Variants in TEX30 observed in about 807,000 individuals in gnomAD.
TEX30 encodes the protein testis-expressed protein 30.
Under a neutral mutation model 23.8 loss-of-function variants are expected in TEX30, and 14 were observed. That is an observed-to-expected ratio of 0.59 (90% CI 0.39 to 0.92). The LOEUF is 0.92. TEX30 is among the 40% of genes least tolerant of loss of function. The pLI is 0.00. For synonymous variants in TEX30, 78 were observed against 90.2 expected (o/e 0.87, Z 0.76); for missense variants, 246 against 270.6 (o/e 0.91, Z 0.64).
intron 3 of TEX30, 101 bp from the exon 4 acceptor site, chr13:102,768,412 A>G (rs961624928): frequency 4.9e-6 from 4 of 819,056 alleles, no homozygotes; most frequent in Non-Finnish European, 7.4e-6. Flanking sequence ...ATGAAAATCT[A>G]TGCAAAGATA....
rs988020173 is a variant in TEX30 at position 102,773,746 on chromosome 13, G to T, written c.-125C>A. On this transcript the variant is annotated 5_prime_UTR_variant, in exon 1 of 6. Coordinates refer to ENST00000376032, the MANE Select transcript of TEX30 (RefSeq NM_138779.5). ...CACTCCCTTCAGGGAGCTGACTAGC[G>T]CGCTCGAAGCGACCGCCTCGCCTGC... The T allele has an allele frequency of 6.6e-6, 1 of 152,108 alleles. No homozygotes were observed. Among genetic ancestry groups the T allele is most frequent in the Non-Finnish European group, 1.5e-5 (1 of 67,994 alleles). The allele number at this position is 152,108 out of a possible 1,614,324, so 9.4% of individuals were successfully genotyped here.
At chr13:102,766,652 C>A in intron 5 of TEX30, 72 bp from the exon 6 acceptor site, 1 of 1,383,444 alleles carries the variant, frequency 7.2e-7, no homozygotes, top group Non-Finnish European at 9.8e-7. Flanking sequence ...CTCTCCCCTG[C>A]CTATACTGGC....
intron 4 of TEX30, 39 bp downstream of exon 4, chr13:102,768,221 A>T (rs1877049786): frequency 6.7e-7 from 1 of 1,500,648 alleles, no homozygotes; most frequent in African/African-American, 1.4e-5. Flanking sequence ...CCTATATTAA[A>T]ACAGGTAATT....
intron 1 of TEX30, among the ~76,000 whole-genome samples, chr13:102,771,174 T>C (rs1362874380): frequency 6.6e-6 from 1 of 152,190 alleles, no homozygotes; most frequent in Non-Finnish European, 1.5e-5. Flanking sequence ...ATTTATAAGA[T>C]AAATTCCTGG....
chr13:102,767,228 C>G, intron 5 of TEX30, 45 bp downstream of exon 5: 1 of 1,575,920 alleles, frequency 6.3e-7, no homozygotes, highest in Non-Finnish European at 8.7e-7. Context: ...GATATGTCTG[C>G]CTTTCATTCT....
rs1439770382 is a variant in TEX30, at chr13:102,767,395, T to C, written c.382A>G (p.Ile128Val). 3.1e-6 allele frequency: 5 copies of C among 1,614,140 alleles called. No individual in the cohort carries two copies. Among genetic ancestry groups the C allele is most frequent in the Non-Finnish European group, 4.2e-6 (5 of 1,180,016 alleles). Residue 128 changes from isoleucine to valine, a missense_variant, in exon 5 of 6, where the codon ATT (isoleucine) becomes GTT (valine). By Grantham distance (29) the Ile-to-Val change is conservative. Coordinates refer to ENST00000376032, the MANE Select transcript of TEX30 (RefSeq NM_138779.5). Reference protein sequence around the residue: ...DDGDDFVRGLICISYPLHHPK... With the variant: ...DDGDDFVRGLVCISYPLHHPK... ...TGGTGCAGTGGGTAAGAAATACAAA[T>C]GAGACCCCGAACAAAATCATCACCA...
In TEX30 at chr13:102,772,668, C is replaced by A. The variant is rs181988611; in HGVS notation, c.-61+1014G>T. ...TCGGCTCACTGCAGCCTCTGCCTCC[C>A]GGGTTCAAGAGATTCTCCAGCCTCA... On this transcript the variant is annotated intron_variant, in intron 1 of 5. Transcript: ENST00000376032. 5.9e-3 allele frequency among the ~76,000 whole-genome samples: 894 copies of A among 152,250 alleles called. 11 individuals carry two copies. Among genetic ancestry groups the A allele is most frequent in the African/African-American group, 0.021 (862 of 41,554 alleles).
At position 102,766,531 on chromosome 13, in the gene TEX30, T is replaced by C. The variant is rs1463536908; in HGVS notation, c.554A>G (p.His185Arg). ...GGAATGATTTGCCTTCTCAATCCAG[T>C]GGATTTTATGGGGAGCTTGCATTTT... ...AQKMQAPHKI[H>R]WIEKANHSMA... The change falls in exon 6 of 6, where the codon CAC becomes CGC. Residue 185 changes from histidine to arginine, a missense_variant. Coordinates refer to ENST00000376032, the MANE Select transcript of TEX30 (RefSeq NM_138779.5). 1 of 1,613,786 alleles carries C rather than the reference T, an allele frequency of 6.2e-7. No homozygotes were observed. Among genetic ancestry groups the C allele is most frequent in the Non-Finnish European group, 8.5e-7 (1 of 1,179,878 alleles).
rs140695331 is a variant in TEX30 at position 102,766,207 on chromosome 13, T to C, written c.*194A>G. 1,498 of 404,180 alleles carry C rather than the reference T, an allele frequency of 3.7e-3. 12 individuals are homozygous for C. Among genetic ancestry groups the C allele is most frequent in the Middle Eastern group, 0.015 (23 of 1,524 alleles). The allele number at this position is 404,180 out of a possible 1,614,324, so 25.0% of individuals were successfully genotyped here. The stretch of plus-strand genomic sequence containing the variant: ...GACCACCTTCAATATTTTTACATCA[T>C]CTTTATACAACTGTAACAGTGCTTT... On this transcript the variant is annotated 3_prime_UTR_variant, in exon 6 of 6. Transcript: ENST00000376032.
chr13:102,767,619 GT>G, intron 4 of TEX30, 141 bp from the exon 5 acceptor site: 1 of 913,734 alleles, frequency 1.1e-6, no homozygotes. Flanking sequence ...CAATTAACAA[GT>G]TGCAATACCA....
At chr13:102,768,500 C>T (rs1467378412) in intron 3 of TEX30, among the ~76,000 whole-genome samples, 189 bp from the exon 4 acceptor site, 1 of 152,100 alleles carries the variant, frequency 6.6e-6, no homozygotes, top group Admixed American at 6.5e-5. Context: ...ACTATTAAAT[C>T]ACATGTTAGG....
intron 5 of TEX30, 110 bp from the exon 6 acceptor site, chr13:102,766,690 T>A: frequency 9.8e-7 from 1 of 1,022,530 alleles, no homozygotes; most frequent in Non-Finnish European, 1.4e-6. Flanking sequence ...CATTAAATGC[T>A]TTCTCAGACA....
chr13:102,767,771 G>A (rs1473738492), intron 4 of TEX30, among the ~76,000 whole-genome samples: 1 of 152,072 alleles, frequency 6.6e-6, no homozygotes, highest in Non-Finnish European at 1.5e-5. Context: ...AAATTAGCCA[G>A]GCATGGTGGT....
chr13:102,768,713 T>C (rs1877086728), intron 3 of TEX30, among the ~76,000 whole-genome samples: 2 of 152,246 alleles, frequency 1.3e-5, no homozygotes, highest in African/African-American at 4.8e-5. Flanking sequence ...GTTCAATCTT[T>C]TGGTTTCTCT....
rs570725780 is a variant in TEX30 at position 102,768,885 on chromosome 13, G to A, written c.246+426C>T. 2.0e-5 allele frequency among the ~76,000 whole-genome samples: 3 copies of A among 152,288 alleles called. No individual in the cohort carries two copies. In the East Asian group the frequency reaches 5.8e-4, roughly 29 times the overall value. On this transcript the variant is annotated intron_variant, in intron 3 of 5. Transcript: ENST00000376032. ...TTCAAAGCTGTCCTGGGCCATATGT[G>A]GCCCATGGGTTGGACAAGCTTGATT... is the stretch of plus-strand genomic sequence containing the variant.
At chr13:102,773,364 GACC>G (rs932151848) in intron 1 of TEX30, 15 of 152,090 alleles carry the variant, frequency 9.9e-5, no homozygotes, top group African/African-American at 3.6e-4. Context: ...TGCCCCGGTC[GACC>G]CCTCTCAACT....
At chr13:102,770,124 G>T in intron 1 of TEX30, 38 bp from the exon 2 acceptor site, 2 of 801,386 alleles carry the variant, frequency 2.5e-6, no homozygotes, top group Non-Finnish European at 3.5e-6. Context: ...TGAGTTGGCA[G>T]ACATGGATAT....
At position 102,773,597 on chromosome 13, in the gene TEX30, C is replaced by T. The variant is rs1877485847; in HGVS notation, c.-61+85G>A. 2.0e-5 allele frequency: 3 copies of T among 152,196 alleles called. No homozygotes were observed. In the South Asian group the frequency reaches 6.2e-4, roughly 32 times the overall value. The allele number at this position is 152,196 out of a possible 1,614,324, so 9.4% of individuals were successfully genotyped here. ...AGTGACGCCCGCGAGCCTCAAACGTCTCAGGCGGGCCTGCCGGGTGCTCTC... is the reference window on the plus strand; with the variant it reads ...AGTGACGCCCGCGAGCCTCAAACGTTTCAGGCGGGCCTGCCGGGTGCTCTC... On this transcript the variant is annotated intron_variant, in intron 1 of 5. Transcript: ENST00000376032.
chr13:102,768,272 C>T lies in TEX30; in HGVS notation c.286G>A (p.Val96Ile), dbSNP rs762253970. 3.1e-6 allele frequency: 5 copies of T among 1,605,274 alleles called. No individual in the cohort carries two copies. The highest frequency in any genetic ancestry group is 1.1e-5 in the South Asian group (1 of 89,248). The change falls in exon 4 of 6, where the codon GTT becomes ATT. Residue 96 changes from valine to isoleucine, a missense_variant. Val to Ile is a conservative substitution (Grantham distance 29). Coordinates refer to ENST00000376032, the MANE Select transcript of TEX30 (RefSeq NM_138779.5). ...KTSGEYKLAG[V>I]FLGGRSMGSR... Reference sequence around the variant, plus strand: ...GTATTGCACTTACCTCCAAGAAAAACACCTGCAAGTTTGTATTCTCCTGAT... The same window carrying T: ...GTATTGCACTTACCTCCAAGAAAAATACCTGCAAGTTTGTATTCTCCTGAT...
Sources: allele counts gnomAD v4.1 joint callset (sites outside exome capture counted in the v4.1 genomes callset), GRCh38; gene constraint gnomAD v4.1.1; transcripts MANE v1.5; gene names NCBI Gene and HGNC (gene_info 2026-07-23, HGNC 2026-07-21).